The following CLASRP variants were observed in gnomAD, a reference collection of about 807,000 sequenced individuals.
CLASRP encodes CLK4 associating serine/arginine rich protein.
In CLASRP, 52 loss-of-function variants were observed where a neutral mutation model predicts 99.9. That is an observed-to-expected ratio of 0.52 (90% CI 0.42 to 0.66). CLASRP has a LOEUF of 0.66. Ranked by LOEUF, CLASRP falls within the 30% of genes least tolerant of loss-of-function variation. CLASRP has a pLI of 0.00. For missense variants in CLASRP, 848 were observed against 999.2 expected, an observed-to-expected ratio of 0.85 and a Z score of 2.04; for synonymous variants, 379 against 373.0, an observed-to-expected ratio of 1.02 and a Z score of -0.18.
At chr19:45,052,251 G>T in intron 3 of CLASRP, 83 bp downstream of exon 3, 3 of 1,185,720 alleles carry the variant, frequency 2.5e-6, no homozygotes, top group Non-Finnish European at 2.5e-6. Context: ...GTGGAGCAGA[G>T]ACTGAAGTAT....
chr19:45,058,131 C>T, intron 7 of CLASRP: 1 of 564,228 alleles, frequency 1.8e-6, no homozygotes. Context: ...TGATCTTTTC[C>T]CCTCCTAGGT....
At chr19:45,048,713 C>T (rs538994714) in intron 2 of CLASRP, among the ~76,000 whole-genome samples, 305 of 151,936 alleles carry the variant, frequency 2.0e-3, no homozygotes, top group African/African-American at 7.1e-3. Context: ...ACCAGCTGGG[C>T]GTGGTGGCTC....
At chr19:45,052,770 C>G (rs377569450) in intron 3 of CLASRP, 21 bp from the exon 4 acceptor site, 81 of 1,589,972 alleles carry the variant, frequency 5.1e-5, no homozygotes, top group Non-Finnish European at 6.9e-5. Context: ...TTCTTGCTTT[C>G]TTGCTCCCCT....
intron 2 of CLASRP, among the ~76,000 whole-genome samples, chr19:45,047,889 G>A (rs1971951158): frequency 6.6e-6 from 1 of 152,112 alleles, no homozygotes; most frequent in East Asian, 1.9e-4. Flanking sequence ...TTGAAGACCA[G>A]CCTGGCCAAC....
chr19:45,044,465 A>G (rs1374330938), intron 2 of CLASRP, among the ~76,000 whole-genome samples: 3 of 152,188 alleles, frequency 2.0e-5, no homozygotes, highest in Non-Finnish European at 4.4e-5. Context: ...CGTGGCTTAC[A>G]GTCACATAGC....
intron 2 of CLASRP, among the ~76,000 whole-genome samples, chr19:45,045,598 T>C (rs542376078): frequency 6.6e-6 from 1 of 152,186 alleles, no homozygotes; most frequent in South Asian, 2.1e-4. Context: ...TGAACAGCCG[T>C]GAGGAAGGCT....
intron 18 of CLASRP, chr19:45,069,524 G>A (rs1967184051): frequency 3.5e-6 from 2 of 576,850 alleles, no homozygotes; most frequent in Admixed American, 3.0e-5. Context: ...GGCCTGGCAA[G>A]CTGTTCCTGA....
At chr19:45,068,558 C>T in intron 16 of CLASRP, 78 bp downstream of exon 16, 1 of 1,111,408 alleles carries the variant, frequency 9.0e-7, no homozygotes. Context: ...CTCAGCACCA[C>T]TTTGGGAGGC....
chr19:45,069,996 C>T, intron 18 of CLASRP, 26 bp from the exon 19 acceptor site: 3 of 1,359,646 alleles, frequency 2.2e-6, no homozygotes, highest in Non-Finnish European at 3.2e-6. Flanking sequence ...TGTTCCCGGC[C>T]AGATGCTCAT....
chr19:45,041,093 T>A (rs1968449), intron 2 of CLASRP, among the ~76,000 whole-genome samples: 1 of 151,564 alleles, frequency 6.6e-6, no homozygotes, highest in South Asian at 2.1e-4. Flanking sequence ...AGGTGGCGGG[T>A]GCCTGTAGTC....
Position 45,064,611 on chromosome 19 carries a change from G to C in CLASRP, c.1390G>C (p.Gly464Arg), listed in dbSNP as rs761179200. The stretch of plus-strand genomic sequence containing the variant: ...CTCGCCCGCCCGGCGTGGTGGTTAC[G>C]GGCCCCGGCGCAGAAGCAGGTGTGT... Reference protein sequence around the residue: ...SRSPARRGGYGPRRRSRSRSH... With the variant: ...SRSPARRGGYRPRRRSRSRSH... Residue 464 changes from glycine (G) to arginine (R), a missense_variant, in exon 13 of 21, where the codon GGG becomes CGG. Transcript: ENST00000221455. 59 of 1,551,792 alleles carry C rather than the reference G, an allele frequency of 3.8e-5. No individual in the cohort carries two copies. The highest frequency in any genetic ancestry group is 2.3e-5 in the Non-Finnish European group (27 of 1,154,754).
rs1967123566 is a variant in CLASRP at position 45,067,654 on chromosome 19, C to A, written c.1667+60C>A. 6.2e-6 allele frequency: 9 copies of A among 1,454,438 alleles called. No individual in the cohort carries two copies. The South Asian group carries it at 8.9e-5, about 14-fold the overall frequency. 90.1% of individuals were successfully genotyped at this position (1,454,438 alleles called of 1,614,324 possible). On this transcript the variant is annotated intron_variant, in intron 14 of 20. Coordinates refer to ENST00000221455, the MANE Select transcript of CLASRP (RefSeq NM_007056.3). The surrounding 1 kb of genome is among the most constrained non-coding windows in gnomAD (Gnocchi z 4.9). ...AATCTCGGGTGGGGAGGGTGAACAT[C>A]ACTGTTTTCTTTTTGAGGGGAACTT...
rs1312669754 is a variant in CLASRP, at chr19:45,070,943, T to C, written c.*98T>C. The C allele has an allele frequency of 5.1e-6, 4 of 783,764 alleles. No individual in the cohort carries two copies. In the African/African-American group the frequency reaches 5.2e-5, roughly 10 times the overall value. The allele number at this position is 783,764 out of a possible 1,614,324, so 48.6% of individuals were successfully genotyped here. On this transcript the variant is annotated 3_prime_UTR_variant, in exon 21 of 21. Transcript: ENST00000221455. ...TCTAGTGAAATAAAGTCAAAAGTTA[T>C]TTAATTCCCGTCACCTGTCTCAGTG...
Position 45,064,238 on chromosome 19 carries a change from C to CCCCGG in CLASRP, c.1121+11_1121+12insCCCGG. On this transcript the variant is annotated intron_variant, in intron 12 of 20. Transcript: ENST00000221455. ...TAATGCCAGCGCCCGGTCGGTAACG[C>CCCCGG]TCACGCCGCCCGCCCTACGCCCCGG... The CCCCGG allele has an allele frequency of 6.4e-7, 1 of 1,574,062 alleles. No individual in the cohort carries two copies. Among genetic ancestry groups the CCCCGG allele is most frequent in the Non-Finnish European group, 8.6e-7 (1 of 1,162,140 alleles).
At chr19:45,052,258 G>T (rs1211493484) in intron 3 of CLASRP, 90 bp downstream of exon 3, 26 of 1,077,928 alleles carry the variant, frequency 2.4e-5, no homozygotes, top group Non-Finnish European at 3.5e-5. Flanking sequence ...AGAGACTGAA[G>T]TATGGACAGA....
In CLASRP at chr19:45,065,589, T is replaced by G. The variant is rs189987126; in HGVS notation, c.1409+959T>G. The stretch of plus-strand genomic sequence containing the variant: ...AAAAAAAAAAAAAAAAGACATTTCA[T>G]TTTGGAGACGACATGGTGAGAGGCT... On this transcript the variant is annotated intron_variant, in intron 13 of 20. Transcript: ENST00000221455. 2.7e-3 allele frequency among the ~76,000 whole-genome samples: 412 copies of G among 151,556 alleles called. 1 individual carries two copies. Among genetic ancestry groups the G allele is most frequent in the African/African-American group, 9.3e-3 (386 of 41,316 alleles).
At chr19:45,070,385 G>C in intron 19 of CLASRP, 152 bp from the exon 20 acceptor site, 1 of 765,124 alleles carries the variant, frequency 1.3e-6, no homozygotes, top group South Asian at 1.5e-5. Context: ...GGGCTGGTGA[G>C]GGGCACAGAT....
chr19:45,069,707 G>C (rs770545554), intron 18 of CLASRP: 199 of 440,348 alleles, frequency 4.5e-4, no homozygotes, highest in Non-Finnish European at 7.4e-4. Context: ...CCATTGGGTT[G>C]CCAAGCCTGG....
intron 20 of CLASRP, 61 bp from the exon 21 acceptor site, chr19:45,070,742 G>A (rs371130243): frequency 1.4e-6 from 2 of 1,442,020 alleles, no homozygotes; most frequent in Non-Finnish European, 2.0e-6. Context: ...AGCATCCACG[G>A]CCCCAGGTGT....
Sources: gnomAD v4.1 joint callset for allele counts (sites outside exome capture counted in the v4.1 genomes callset) on GRCh38, gnomAD v4.1.1 for gene constraint, Gnocchi (gnomAD v3.1) non-coding constraint, MANE v1.5 for transcripts, NCBI Gene and HGNC (gene_info 2026-07-23, HGNC 2026-07-21) for gene names.